Variants in ADAMTS2 observed in about 807,000 individuals in gnomAD.
ADAMTS2 encodes the protein ADAM metallopeptidase with thrombospondin type 1 motif 2.
Under a neutral mutation model 123.0 loss-of-function variants are expected in ADAMTS2, and 50 were observed. That is an observed-to-expected ratio of 0.41 (90% CI 0.32 to 0.51). The LOEUF (loss-of-function observed/expected upper bound fraction) is 0.51, where lower values mean the gene tolerates loss of function less well. Among genes scored for constraint, ADAMTS2 ranks in the 20% least tolerant of loss-of-function variants. The pLI, the probability that ADAMTS2 is intolerant of heterozygous loss-of-function variation, is 0.35. For synonymous variants in ADAMTS2, 678 were observed against 695.4 expected, an observed-to-expected ratio of 0.98 and a Z score of 0.39; for missense variants, 1,494 against 1,705.2, an observed-to-expected ratio of 0.88 and a Z score of 2.18.
chr5:179,294,647 C>T (rs1026498416), intron 2 of ADAMTS2, among the ~76,000 whole-genome samples: 3 of 152,250 alleles, frequency 2.0e-5, no homozygotes, highest in African/African-American at 7.2e-5. Flanking sequence ...CTGCAGCTTC[C>T]CCGCAGGGCT....
At chr5:179,134,752 C>A (rs1763023513) in intron 13 of ADAMTS2, among the ~76,000 whole-genome samples, 1 of 124,412 alleles carries the variant, frequency 8.0e-6, no homozygotes, top group African/African-American at 2.6e-5. Flanking sequence ...CAGCTCCCGG[C>A]TCCAGCTCCA....
chr5:179,312,090 G>A lies in ADAMTS2; in HGVS notation c.534+31677C>T, dbSNP rs1406755182. Among the ~76,000 whole-genome samples the A allele has an allele frequency of 1.3e-5, 2 of 152,314 alleles. No individual in the cohort carries two copies. Among genetic ancestry groups the A allele is most frequent in the Middle Eastern group, 3.4e-3 (1 of 294 alleles). On this transcript the variant is annotated intron_variant, in intron 2 of 21. Coordinates refer to ENST00000251582, the MANE Select transcript of ADAMTS2 (RefSeq NM_014244.5). This position sits in a 1 kb window ranked among gnomAD's most constrained non-coding sequence, Gnocchi z 4.2. Reference sequence around the variant, plus strand: ...AGAGGTGCAAATATAACAGTCAGACGACCATGGCAGTGGTCAGCTGAAAAA... The same window carrying A: ...AGAGGTGCAAATATAACAGTCAGACAACCATGGCAGTGGTCAGCTGAAAAA...
At chr5:179,320,598 A>G (rs778048157) in intron 2 of ADAMTS2, among the ~76,000 whole-genome samples, 36 of 151,818 alleles carry the variant, frequency 2.4e-4, no homozygotes, top group Admixed American at 5.3e-4. Context: ...GATTACAGGC[A>G]TGAGCCACTG....
chr5:179,146,166 A>C (rs1179163859), intron 10 of ADAMTS2, among the ~76,000 whole-genome samples: 2 of 152,188 alleles, frequency 1.3e-5, no homozygotes, highest in Admixed American at 6.5e-5. Flanking sequence ...GTACACTTTA[A>C]AAAGTGAATT....
In ADAMTS2 at chr5:179,217,900, A is replaced by G. The variant is rs146407908; in HGVS notation, c.689-10185T>C. Among the ~76,000 whole-genome samples, 664 of 81,674 alleles carry G rather than the reference A, an allele frequency of 8.1e-3. 29 individuals are homozygous for G. In the East Asian group the frequency reaches 0.15, roughly 18 times the overall value. 53.6% of individuals were successfully genotyped at this position (81,674 alleles called of 152,430 possible). On this transcript the variant is annotated intron_variant, in intron 3 of 21. Transcript: ENST00000251582. Reference sequence around the variant, plus strand: ...AGACGGCACACTCACTAGGTAGGGGATGGCCTGAGGGCAGACGGCACACTC... The same window carrying G: ...AGACGGCACACTCACTAGGTAGGGGGTGGCCTGAGGGCAGACGGCACACTC...
At chr5:179,172,521 C>A (rs1015500262) in intron 5 of ADAMTS2, among the ~76,000 whole-genome samples, 2 of 152,234 alleles carry the variant, frequency 1.3e-5, no homozygotes, top group Non-Finnish European at 2.9e-5. Flanking sequence ...CAGGGGAGAC[C>A]ACGTACCTAT....
chr5:179,261,182 G>A (rs549804212), intron 3 of ADAMTS2, among the ~76,000 whole-genome samples: 2 of 152,322 alleles, frequency 1.3e-5, no homozygotes, highest in South Asian at 4.1e-4. Flanking sequence ...GACCCCAGGA[G>A]ATAAACAGGC....
chr5:179,248,056 A>G (rs971856860), intron 3 of ADAMTS2, among the ~76,000 whole-genome samples: 3 of 152,186 alleles, frequency 2.0e-5, no homozygotes, highest in Non-Finnish European at 1.5e-5. Flanking sequence ...TAATAGACAC[A>G]CATGTATGAA....
Position 179,139,304 on chromosome 5 carries a change from G to A in ADAMTS2, c.1775+586C>T, listed in dbSNP as rs111427839. Among the ~76,000 whole-genome samples the A allele has an allele frequency of 6.3e-3, 964 of 152,156 alleles. 11 individuals carry two copies. Among genetic ancestry groups the A allele is most frequent in the African/African-American group, 0.022 (902 of 41,512 alleles). The stretch of plus-strand genomic sequence containing the variant: ...TGGCTGCGGGCTGAGGAGGGAGCAC[G>A]GGCCCGGGAGATATTTACGGGGTGT... On this transcript the variant is annotated intron_variant, in intron 11 of 21. Transcript: ENST00000251582.
rs188378523 is a variant in ADAMTS2 at position 179,249,532 on chromosome 5, G to C, written c.688+23379C>G. On this transcript the variant is annotated intron_variant, in intron 3 of 21. Transcript: ENST00000251582. ...ACTGACCAAGATAAAAAGAGAGAAG[G>C]CTCCAATTACTAAAATCACAAACAA... is the stretch of plus-strand genomic sequence containing the variant. Among the ~76,000 whole-genome samples, 268 of 152,030 alleles carry C rather than the reference G, an allele frequency of 1.8e-3. 1 individual carries two copies. The highest frequency in any genetic ancestry group is 6.1e-3 in the African/African-American group (253 of 41,520).
At chr5:179,229,219 G>A (rs965397592) in intron 3 of ADAMTS2, among the ~76,000 whole-genome samples, 1 of 151,342 alleles carries the variant, frequency 6.6e-6, no homozygotes, top group African/African-American at 2.4e-5. Context: ...CTGGGCTTAA[G>A]TGACTTGGCC....
chr5:179,329,102 C>T (rs191879502), intron 2 of ADAMTS2, among the ~76,000 whole-genome samples: 1,753 of 152,050 alleles, frequency 0.012, 24 homozygotes, highest in African/African-American at 0.031. Flanking sequence ...CCAAGGAGGG[C>T]GGATCACGAG....
chr5:179,301,790 C>T (rs926280628), intron 2 of ADAMTS2, among the ~76,000 whole-genome samples: 1 of 152,258 alleles, frequency 6.6e-6, no homozygotes, highest in South Asian at 2.1e-4. Flanking sequence ...GACCCCTGCA[C>T]CATGTGCCCT....
intron 2 of ADAMTS2, among the ~76,000 whole-genome samples, chr5:179,315,017 T>C (rs1035887581): frequency 1.3e-5 from 2 of 151,676 alleles, no homozygotes; most frequent in African/African-American, 4.8e-5. Flanking sequence ...AACCTGGAAG[T>C]GGTACTGGAT....
intron 19 of ADAMTS2, among the ~76,000 whole-genome samples, chr5:179,123,146 T>C (rs1470119658): frequency 6.6e-6 from 1 of 152,190 alleles, no homozygotes; most frequent in East Asian, 1.9e-4. Flanking sequence ...CTGGGAAAGC[T>C]CTGACCCAGC....
intron 2 of ADAMTS2, among the ~76,000 whole-genome samples, chr5:179,337,761 C>T (rs1264485446): frequency 2.0e-5 from 3 of 152,216 alleles, no homozygotes; most frequent in African/African-American, 4.8e-5. Flanking sequence ...CGCTGCTGAG[C>T]GGATGTCCCT....
intron 15 of ADAMTS2, among the ~76,000 whole-genome samples, chr5:179,131,437 T>C (rs181451008): frequency 1.3e-5 from 2 of 152,206 alleles, no homozygotes; most frequent in Non-Finnish European, 2.9e-5. Flanking sequence ...GGTATGTTTG[T>C]CAGGCAGCGT....
intron 2 of ADAMTS2, among the ~76,000 whole-genome samples, chr5:179,331,116 T>C (rs2127459400): frequency 6.6e-6 from 1 of 151,348 alleles, no homozygotes. Context: ...TCGTTGTTGG[T>C]TCCCAGAATG....
In ADAMTS2 at chr5:179,158,663, C is replaced by T. The variant is rs1763531849; in HGVS notation, c.1132+60G>A. On this transcript the variant is annotated intron_variant, in intron 6 of 21. Transcript: ENST00000251582. This position sits in a 1 kb window ranked among gnomAD's most constrained non-coding sequence, Gnocchi z 5.0. ...GGGCCAAGGCTCCCGGGGCCCCTTG[C>T]ATGGCCAGGGGCTCATTTCCAGCTT... 3.1e-6 allele frequency: 5 copies of T among 1,612,364 alleles called. No individual in the cohort carries two copies. Among genetic ancestry groups the T allele is most frequent in the Non-Finnish European group, 4.2e-6 (5 of 1,179,638 alleles).
Sources: allele counts gnomAD v4.1 joint callset (sites outside exome capture counted in the v4.1 genomes callset), GRCh38; gene constraint gnomAD v4.1.1; non-coding constraint Gnocchi (gnomAD v3.1); transcripts MANE v1.5; gene names NCBI Gene and HGNC (gene_info 2026-07-23, HGNC 2026-07-21).